Variants in ERAP1 observed in about 807,000 individuals in gnomAD.
ERAP1 encodes endoplasmic reticulum aminopeptidase 1, also known as adipocyte-derived leucine aminopeptidase.
Under a neutral mutation model 103.7 loss-of-function variants are expected in ERAP1, and 86 were observed. The observed-to-expected ratio is 0.83, with a 90% confidence interval of 0.70 to 0.99. The LOEUF is 0.99. Ranked by LOEUF, ERAP1 falls within the 50% of genes least tolerant of loss-of-function variation. ERAP1 has a pLI of 0.00. For missense variants in ERAP1, 1,009 were observed against 1,128.4 expected (o/e 0.89, Z 1.52); for synonymous variants, 398 against 402.4 (o/e 0.99, Z 0.13).
chr5:96,873,902 GA>G, the ERAP1 span, among the ~76,000 whole-genome samples: 1 of 151,964 alleles, frequency 6.6e-6, no homozygotes, highest in African/African-American at 2.4e-5. Flanking sequence ...AAGCTAAGAA[GA>G]AACAAAAAGC....
At chr5:96,794,675 A>G (rs1261862459) in intron 5 of ERAP1, among the ~76,000 whole-genome samples, 1 of 152,204 alleles carries the variant, frequency 6.6e-6, no homozygotes, top group East Asian at 1.9e-4. Context: ...ACACTATATA[A>G]ATTTATTCAT....
the ERAP1 span, among the ~76,000 whole-genome samples, chr5:96,837,812 T>C: frequency 2.0e-5 from 3 of 152,050 alleles, no homozygotes; most frequent in African/African-American, 7.2e-5. Context: ...GCGGGGGATT[T>C]TATTGCTGGT....
Position 96,781,719 on chromosome 5 carries a change from T to A in ERAP1, c.2421A>T (p.Arg807Ser). 6.2e-7 allele frequency: 1 copy of A among 1,614,204 alleles called. No individual in the cohort carries two copies. The highest frequency in any genetic ancestry group is 8.5e-7 in the Non-Finnish European group (1 of 1,180,028). The change falls in exon 16 of 19, where the codon AGA (arginine) becomes AGT (serine). Residue 807 changes from arginine to serine, a missense_variant. Coordinates refer to ENST00000443439, the MANE Select transcript of ERAP1 (RefSeq NM_001040458.3). ...ATTGAAGCTTTTCCTTATTTTGGGT[T>A]CTGCAGAGGGCAAATTCAATTTGGC... is the stretch of plus-strand genomic sequence containing the variant. The part of the protein sequence containing the change: ...EKSQIEFALC[R>S]TQNKEKLQWL...
chr5:96,843,315 A>G, the ERAP1 span, among the ~76,000 whole-genome samples: 1 of 152,100 alleles, frequency 6.6e-6, no homozygotes, highest in African/African-American at 2.4e-5. Flanking sequence ...TGCAGAAAGC[A>G]ACCAATCAGA....
upstream of ERAP1, among the ~76,000 whole-genome samples, chr5:96,812,092 G>A (rs1313252282): frequency 6.6e-6 from 1 of 152,198 alleles, no homozygotes; most frequent in African/African-American, 2.4e-5. Context: ...CTGAACATAT[G>A]TTAATTAGCC....
the ERAP1 span, among the ~76,000 whole-genome samples, chr5:96,914,443 T>C: frequency 6.6e-6 from 1 of 152,188 alleles, no homozygotes; most frequent in Non-Finnish European, 1.5e-5. Flanking sequence ...TGAGACCAAA[T>C]AGAAACTGCT....
At chr5:96,923,105 T>C in the ERAP1 span, among the ~76,000 whole-genome samples, 1 of 152,166 alleles carries the variant, frequency 6.6e-6, no homozygotes, top group Non-Finnish European at 1.5e-5. Flanking sequence ...TCCCACGTAG[T>C]TGTGACTGAA....
At chr5:96,931,337 T>C in the ERAP1 span, among the ~76,000 whole-genome samples, 1 of 152,232 alleles carries the variant, frequency 6.6e-6, no homozygotes, top group East Asian at 1.9e-4. Context: ...TTCAATTTTT[T>C]GTAGAAATGA....
At chr5:96,838,301 G>C in the ERAP1 span, among the ~76,000 whole-genome samples, 1 of 152,156 alleles carries the variant, frequency 6.6e-6, no homozygotes, top group African/African-American at 2.4e-5. Context: ...CAGAGCTTCA[G>C]GCTGGGTACC....
chr5:96,921,873 G>C, the ERAP1 span, among the ~76,000 whole-genome samples: 1 of 152,148 alleles, frequency 6.6e-6, no homozygotes, highest in Admixed American at 6.5e-5. Flanking sequence ...TGTCCCTTTA[G>C]TCATCCAAAG....
In ERAP1 at chr5:96,774,848, GGCAGATTTATGTCC is replaced by G; in HGVS notation, c.*1534_*1547del. ...TGTTGTAGTGAATGGTTTAATAAAT[GGCAGATTTATGTCC>G]AGAAGTCACTCTATTTTGTCGTGTA... On this transcript the variant is annotated 3_prime_UTR_variant, in exon 19 of 19. Coordinates refer to ENST00000443439, the MANE Select transcript of ERAP1 (RefSeq NM_001040458.3). The G allele has an allele frequency of 1.0e-6, 1 of 985,356 alleles. No homozygotes were observed. The highest frequency in any genetic ancestry group is 1.2e-6 in the Non-Finnish European group (1 of 829,788). 61.0% of individuals were successfully genotyped at this position (985,356 alleles called of 1,614,324 possible).
the ERAP1 span, among the ~76,000 whole-genome samples, chr5:96,836,981 C>T: frequency 6.6e-6 from 1 of 152,104 alleles, no homozygotes; most frequent in Non-Finnish European, 1.5e-5. Flanking sequence ...AATTTTCATA[C>T]ATATTTCTGT....
intron 18 of ERAP1, among the ~76,000 whole-genome samples, chr5:96,777,187 T>C (rs1202819442): frequency 6.6e-6 from 1 of 152,242 alleles, no homozygotes; most frequent in African/African-American, 2.4e-5. Context: ...TGTTCTTGTT[T>C]CATTTGTGGG....
downstream of ERAP1, chr5:96,771,831 A>G (rs1402218630): frequency 1.8e-5 from 10 of 548,918 alleles, no homozygotes; most frequent in East Asian, 3.0e-5. Flanking sequence ...CATGAAATGC[A>G]TACTGCAAGA....
At chr5:96,762,104 T>C (rs1263209357) in exon 20 of ERAP1, 6 of 445,936 alleles carry the variant, frequency 1.3e-5, no homozygotes, top group Middle Eastern at 1.2e-3. Context: ...AATAATACAA[T>C]AGAGAAGAAA....
chr5:96,912,565 C>A, the ERAP1 span: 2 of 1,202,392 alleles, frequency 1.7e-6, no homozygotes, highest in Non-Finnish European at 2.4e-6. Flanking sequence ...TGTTATAGGA[C>A]TTAAAATTGT....
At chr5:96,822,389 G>A in the ERAP1 span, among the ~76,000 whole-genome samples, 2 of 152,174 alleles carry the variant, frequency 1.3e-5, no homozygotes, top group African/African-American at 2.4e-5. Flanking sequence ...TTCTGCCATG[G>A]GGAAGAATTT....
At chr5:96,892,538 A>C in the ERAP1 span, 1 of 1,507,272 alleles carries the variant, frequency 6.6e-7, no homozygotes, top group Non-Finnish European at 9.1e-7. Flanking sequence ...AACAAAATAA[A>C]TCATCTCATT....
At chr5:96,892,038 C>A in the ERAP1 span, among the ~76,000 whole-genome samples, 1 of 152,226 alleles carries the variant, frequency 6.6e-6, no homozygotes, top group East Asian at 1.9e-4. Context: ...CAGAGTTCAG[C>A]ACTTTCAGGA....
Sources: gnomAD v4.1 joint callset for allele counts (sites outside exome capture counted in the v4.1 genomes callset) on GRCh38, gnomAD v4.1.1 for gene constraint, MANE v1.5 for transcripts, NCBI Gene and HGNC (gene_info 2026-07-23, HGNC 2026-07-21) for gene names.